The following PIK3C2B variants were observed in gnomAD, a reference collection of about 807,000 sequenced individuals.
PIK3C2B encodes phosphatidylinositol-4-phosphate 3-kinase catalytic subunit type 2 beta, also known as phosphatidylinositol 4-phosphate 3-kinase C2 domain-containing subunit beta.
A neutral mutation model predicts 184.3 loss-of-function variants in PIK3C2B; 83 were observed. That is an observed-to-expected ratio of 0.45 (90% CI 0.38 to 0.54). The LOEUF is 0.54. Among genes scored for constraint, PIK3C2B ranks in the 20% least tolerant of loss-of-function variants. The pLI, the probability that PIK3C2B is intolerant of heterozygous loss-of-function variation, is 0.00. For synonymous variants in PIK3C2B, 779 were observed against 837.6 expected (o/e 0.93, Z 1.21); for missense variants, 1,736 against 2,113.5 (o/e 0.82, Z 3.50).
chr1:204,483,386 A>T (rs4951384), intron 1 of PIK3C2B, among the ~76,000 whole-genome samples: 93,541 of 137,956 alleles, frequency 0.68, 30,945 homozygotes, highest in Non-Finnish European at 0.77. Context: ...GAGAACCCTG[A>T]CTCAAAAAAA....
intron 1 of PIK3C2B, among the ~76,000 whole-genome samples, chr1:204,470,122 C>T (rs1168820986): frequency 1.3e-5 from 2 of 151,788 alleles, no homozygotes; most frequent in Non-Finnish European, 2.9e-5. Context: ...GCCCTAATCC[C>T]TATACTCACC....
chr1:204,466,189 GC>G (rs1191600712), intron 2 of PIK3C2B, among the ~76,000 whole-genome samples: 2 of 152,144 alleles, frequency 1.3e-5, no homozygotes, highest in African/African-American at 4.8e-5. Context: ...ACAGGTTTCT[GC>G]CTGAGGGGTC....
Position 204,440,204 on chromosome 1 carries a change from C to T in PIK3C2B, c.3367G>A (p.Gly1123Ser), listed in dbSNP as rs780172936. 21 of 1,612,236 alleles carry T rather than the reference C, an allele frequency of 1.3e-5. No individual in the cohort carries two copies. In the East Asian group the frequency reaches 1.3e-4, roughly 10 times the overall value. The change falls in exon 22 of 33, where the codon GGC (glycine) becomes AGC (serine). Residue 1123 changes from glycine to serine, a missense_variant. This residue lies in a region of PIK3C2B where 289 missense variants were observed against 380.4 expected (regional missense o/e 0.76). Coordinates refer to ENST00000684373, the MANE Select transcript of PIK3C2B (RefSeq NM_001377334.1). ...RMVIFRCFST[G>S]RGRGMVEMIP... ...ACTCCCAACTGACCTCTGCCCCGGC[C>T]GGTGGAGAAGCAGCGGAAGATGACC...
At chr1:204,482,109 CGGGGGGGGGG>C (rs55875447) in intron 1 of PIK3C2B, among the ~76,000 whole-genome samples, 10 of 132,588 alleles carry the variant, frequency 7.5e-5, no homozygotes, top group East Asian at 6.5e-4. Flanking sequence ...CATGAAAAGA[CGGGGGGGGGG>C]GGGGGGGTGC....
intron 1 of PIK3C2B, among the ~76,000 whole-genome samples, chr1:204,484,144 T>G (rs1657403604): frequency 6.6e-6 from 1 of 152,176 alleles, no homozygotes; most frequent in Non-Finnish European, 1.5e-5. Flanking sequence ...GAAGACTACA[T>G]GCATATGAGC....
chr1:204,443,737 C>T (rs1653591036), intron 18 of PIK3C2B, 140 bp from the exon 19 acceptor site: 7 of 735,936 alleles, frequency 9.5e-6, no homozygotes, highest in East Asian at 5.2e-5. Flanking sequence ...TCTGTATGTA[C>T]GGCTCATATG....
chr1:204,460,273 T>A (rs1003074844), intron 7 of PIK3C2B, 51 bp downstream of exon 7: 1 of 1,415,236 alleles, frequency 7.1e-7, no homozygotes, highest in Admixed American at 1.7e-5. Context: ...TCTGATGGGA[T>A]CCCTGCACAG....
intron 12 of PIK3C2B, among the ~76,000 whole-genome samples, chr1:204,454,249 G>A (rs927449933): frequency 2.0e-5 from 3 of 151,396 alleles, no homozygotes; most frequent in African/African-American, 7.3e-5. Context: ...CTGGGAGGCC[G>A]AGGCGGGCAG....
At chr1:204,461,819 C>T (rs977356408) in intron 5 of PIK3C2B, among the ~76,000 whole-genome samples, 4 of 151,948 alleles carry the variant, frequency 2.6e-5, no homozygotes, top group South Asian at 2.1e-4. Context: ...AACCCTCCCA[C>T]GGGACTGCCT....
At chr1:204,482,116 G>T (rs1384823943) in intron 1 of PIK3C2B, among the ~76,000 whole-genome samples, 3 of 19,492 alleles carry the variant, frequency 1.5e-4, no homozygotes, top group Non-Finnish European at 3.0e-4. Flanking sequence ...AGACGGGGGG[G>T]GGGGGGGGGG....
rs1654933604 is a variant in PIK3C2B at position 204,457,079 on chromosome 1, A to G, written c.1714-9T>C. On this transcript the variant is annotated splice_polypyrimidine_tract_variant and intron_variant, in intron 9 of 32. Coordinates refer to ENST00000684373, the MANE Select transcript of PIK3C2B (RefSeq NM_001377334.1). ...GCCAAGACACTGGGATCCTGTTGGGAAAAAGAAGAGGGAGGGGAGCTTCAG... is the reference window on the plus strand; with the variant it reads ...GCCAAGACACTGGGATCCTGTTGGGGAAAAGAAGAGGGAGGGGAGCTTCAG... 2 of 1,560,312 alleles carry G rather than the reference A, an allele frequency of 1.3e-6. No individual in the cohort carries two copies. The highest frequency in any genetic ancestry group is 1.9e-5 in the Admixed American group (1 of 52,710).
rs187701509 is a variant in PIK3C2B, at chr1:204,480,087, C to T, written c.-84-10201G>A. On this transcript the variant is annotated intron_variant, in intron 1 of 32. Coordinates refer to ENST00000684373, the MANE Select transcript of PIK3C2B (RefSeq NM_001377334.1). ...AGGCAGTGTGGAGGCGTACTTCAAA[C>T]GAGGGCCCAGCCCCATTCCAAGGGG... Among the ~76,000 whole-genome samples, 37 of 152,314 alleles carry T rather than the reference C, an allele frequency of 2.4e-4. No individual in the cohort carries two copies. The East Asian group carries it at 4.8e-3, about 20-fold the overall frequency.
intron 1 of PIK3C2B, among the ~76,000 whole-genome samples, chr1:204,478,959 C>A (rs1307898091): frequency 6.6e-6 from 1 of 152,230 alleles, no homozygotes; most frequent in Non-Finnish European, 1.5e-5. Flanking sequence ...CATGCACACA[C>A]ATAGAATCCT....
In PIK3C2B at chr1:204,468,856, A is replaced by G; in HGVS notation, c.933+14T>C. 2 of 1,556,782 alleles carry G rather than the reference A, an allele frequency of 1.3e-6. No homozygotes were observed. The highest frequency in any genetic ancestry group is 1.7e-6 in the Non-Finnish European group (2 of 1,151,744). ...GGAGAAAGGAAGGCAGAAGAAACAC[A>G]AGAAGGTCCTCACCGGGGCTGCAGA... On this transcript the variant is annotated intron_variant, in intron 2 of 32. Coordinates refer to ENST00000684373, the MANE Select transcript of PIK3C2B (RefSeq NM_001377334.1).
At chr1:204,448,136 C>G (rs1654031292) in intron 14 of PIK3C2B, among the ~76,000 whole-genome samples, 1 of 152,138 alleles carries the variant, frequency 6.6e-6, no homozygotes, top group African/African-American at 2.4e-5. Flanking sequence ...TATTTTGAGA[C>G]AGAGTCTTGC....
intron 1 of PIK3C2B, among the ~76,000 whole-genome samples, chr1:204,483,645 G>A (rs930744304): frequency 1.3e-5 from 2 of 152,046 alleles, no homozygotes; most frequent in Admixed American, 6.6e-5. Context: ...GAGGGGGAGG[G>A]GTATAGAGCA....
chr1:204,425,276 G>A (rs1427284251), intron 32 of PIK3C2B, among the ~76,000 whole-genome samples: 1 of 152,238 alleles, frequency 6.6e-6, no homozygotes, highest in South Asian at 2.1e-4. Context: ...TTGTATTGGG[G>A]CCACTGCTCA....
At chr1:204,470,992 T>G (rs908059169) in intron 1 of PIK3C2B, among the ~76,000 whole-genome samples, 1 of 152,110 alleles carries the variant, frequency 6.6e-6, no homozygotes. Context: ...GAAAGAGGGG[T>G]GGATTACAAC....
At position 204,453,085 on chromosome 1, in the gene PIK3C2B, A is replaced by G. The variant is rs564255585; in HGVS notation, c.2066+1584T>C. Among the ~76,000 whole-genome samples the G allele has an allele frequency of 1.3e-3, 199 of 152,140 alleles. 2 individuals carry two copies. The South Asian group carries it at 0.014, about 11-fold the overall frequency. On this transcript the variant is annotated intron_variant, in intron 12 of 32. Transcript: ENST00000684373. ...GCATCTCCAGATTCTTCATCTACCT[A>G]TTTTGCATCCTCGGCCTCCCCAGGA... is the stretch of plus-strand genomic sequence containing the variant.
Sources: allele counts gnomAD v4.1 joint callset (sites outside exome capture counted in the v4.1 genomes callset), GRCh38; gene constraint gnomAD v4.1.1; regional missense constraint gnomAD v4.1.1; transcripts MANE v1.5; gene names NCBI Gene and HGNC (gene_info 2026-07-23, HGNC 2026-07-21).